Variants in PABPN1L observed in about 807,000 individuals in gnomAD.
PABPN1L encodes the protein PABPN1 like, cytoplasmic, also known as embryonic polyadenylate-binding protein 2.
In PABPN1L, 45 loss-of-function variants were observed where a neutral mutation model predicts 34.0. That is an observed-to-expected ratio of 1.32 (90% CI 1.04 to 1.70). PABPN1L has a LOEUF of 1.70. PABPN1L is among the 40% of genes most tolerant of loss of function. PABPN1L has a pLI of 0.00. For synonymous variants in PABPN1L, 182 were observed against 152.1 expected, an observed-to-expected ratio of 1.20 and a Z score of -1.45; for missense variants, 459 against 367.8, an observed-to-expected ratio of 1.25 and a Z score of -2.03.
chr16:88,867,231 T>C (rs537088298), upstream of PABPN1L, among the ~76,000 whole-genome samples: 15 of 151,888 alleles, frequency 9.9e-5, no homozygotes, highest in East Asian at 1.4e-3. Flanking sequence ...TTTTTTTTTT[T>C]TTTCTTTTTT....
upstream of PABPN1L, among the ~76,000 whole-genome samples, chr16:88,868,568 T>C (rs1968643803): frequency 6.6e-6 from 1 of 151,832 alleles, no homozygotes; most frequent in African/African-American, 2.4e-5. Context: ...ATCGCGCCAC[T>C]GCACTCCGGC....
Position 88,864,386 on chromosome 16 carries a change from C to T in PABPN1L, c.655-7G>A, listed in dbSNP as rs1280690207. 1 of 1,553,478 alleles carries T rather than the reference C, an allele frequency of 6.4e-7. No individual in the cohort carries two copies. The highest frequency in any genetic ancestry group is 8.7e-7 in the Non-Finnish European group (1 of 1,148,302). ...TGGTTCTTTTCGGCAGCACCTGGAGCAAAGGCCTGTTTTGAGTCCTCCTCA... is the reference window on the plus strand; with the variant it reads ...TGGTTCTTTTCGGCAGCACCTGGAGTAAAGGCCTGTTTTGAGTCCTCCTCA... On this transcript the variant is annotated splice_polypyrimidine_tract_variant and splice_region_variant and intron_variant, in intron 5 of 6. Coordinates refer to ENST00000419291, the Ensembl canonical transcript of PABPN1L.
exon 7 of PABPN1L, chr16:88,863,567 T>C (rs1207124561): frequency 1.5e-5 from 11 of 750,556 alleles, no homozygotes; most frequent in Non-Finnish European, 2.5e-5. Context: ...GCTGTGGCCT[T>C]GGGTCTGGAC....
intron 2 of PABPN1L, 88 bp from the exon 3 acceptor site, chr16:88,865,718 T>A: frequency 6.4e-7 from 1 of 1,551,210 alleles, no homozygotes; most frequent in Non-Finnish European, 8.7e-7. Context: ...ATAGGGGAGG[T>A]GACACCTTGG....
exon 1 of PABPN1L, chr16:88,866,470 T>G: frequency 1.3e-6 from 2 of 1,551,370 alleles, no homozygotes; most frequent in Non-Finnish European, 1.7e-6. Flanking sequence ...CTCCTTCCCT[T>G]CCCCACCCTC....
exon 6 of PABPN1L, chr16:88,864,327 C>T: frequency 6.4e-7 from 1 of 1,555,210 alleles, no homozygotes. Flanking sequence ...TCCTCGAAGG[C>T]CCCCGCGGTC....
chr16:88,865,678 C>A (rs759894343), intron 2 of PABPN1L, 48 bp from the exon 3 acceptor site: 1 of 1,568,438 alleles, frequency 6.4e-7, no homozygotes. Context: ...TCCTTCCTCA[C>A]TCCTCTCACG....
chr16:88,865,655 G>A (rs768158189), intron 2 of PABPN1L, 25 bp from the exon 3 acceptor site: 11 of 1,587,594 alleles, frequency 6.9e-6, no homozygotes, highest in South Asian at 4.5e-5. Flanking sequence ...GCTCAGGCCC[G>A]CAGGCCCTTG....
intron 1 of PABPN1L, 99 bp from the exon 2 acceptor site, chr16:88,866,040 C>A: frequency 6.9e-7 from 1 of 1,447,232 alleles, no homozygotes; most frequent in African/African-American, 1.4e-5. Flanking sequence ...GTCACAGCCC[C>A]AAGGGGCAGC....
rs1968574332 is a variant in PABPN1L at position 88,865,659 on chromosome 16, G to A, written c.392-29C>T. On this transcript the variant is annotated intron_variant, in intron 2 of 6. Coordinates refer to ENST00000419291, the Ensembl canonical transcript of PABPN1L. ...CGGAGAACACAGCTCAGGCCCGCAG[G>A]CCCTTGGTTCCTTCCTCACTCCTCT... 12 of 1,587,290 alleles carry A rather than the reference G, an allele frequency of 7.6e-6. No individual in the cohort carries two copies. In the East Asian group the frequency reaches 2.5e-4, roughly 33 times the overall value.
upstream of PABPN1L, among the ~76,000 whole-genome samples, chr16:88,866,947 G>A (rs1407539839): frequency 1.3e-5 from 2 of 152,230 alleles, no homozygotes; most frequent in African/African-American, 2.4e-5. Flanking sequence ...GCATCCACAC[G>A]GCACGAACGC....
chr16:88,867,490 C>G (rs1968626846), upstream of PABPN1L, among the ~76,000 whole-genome samples: 1 of 152,174 alleles, frequency 6.6e-6, no homozygotes, highest in Non-Finnish European at 1.5e-5. Context: ...CTCGGCCTCC[C>G]GAAGTGCTGG....
exon 7 of PABPN1L, chr16:88,863,653 G>A (rs1373100158): frequency 5.7e-6 from 8 of 1,405,846 alleles, no homozygotes; most frequent in South Asian, 1.2e-5. Context: ...CCTCTCCTCT[G>A]GCCTCGCCCC....
intron 5 of PABPN1L, 92 bp downstream of exon 5, chr16:88,864,759 CAG>C (rs1968546528): frequency 3.7e-6 from 5 of 1,339,332 alleles, no homozygotes; most frequent in South Asian, 1.3e-5. Context: ...ACACGCTGTG[CAG>C]AGAGGAGCCA....
upstream of PABPN1L, among the ~76,000 whole-genome samples, chr16:88,868,731 C>T (rs1374323564): frequency 6.6e-6 from 1 of 152,142 alleles, no homozygotes; most frequent in African/African-American, 2.4e-5. Flanking sequence ...TGGTAGCGTT[C>T]CTTTGAATCT....
chr16:88,866,239 G>A (rs1968589668), intron 1 of PABPN1L, 113 bp downstream of exon 1: 3 of 1,435,820 alleles, frequency 2.1e-6, no homozygotes, highest in Non-Finnish European at 2.8e-6. Context: ...GTGGGCAATG[G>A]CCCTCTCCCC....
At chr16:88,865,193 A>G (rs959404646) in intron 3 of PABPN1L, 65 bp from the exon 4 acceptor site, 2 of 1,501,702 alleles carry the variant, frequency 1.3e-6, no homozygotes, top group Non-Finnish European at 1.8e-6. Flanking sequence ...CCTTCTTGTT[A>G]GAGGTGAGGA....
At position 88,864,738 on chromosome 16, in the gene PABPN1L, C is replaced by T. The variant is rs1968545997; in HGVS notation, c.654+115G>A. The T allele has an allele frequency of 1.2e-5, 14 of 1,196,558 alleles. No homozygotes were observed. The East Asian group carries it at 3.3e-4, about 28-fold the overall frequency. 74.1% of individuals were successfully genotyped at this position (1,196,558 alleles called of 1,614,324 possible). On this transcript the variant is annotated intron_variant, in intron 5 of 6. Coordinates refer to ENST00000419291, the Ensembl canonical transcript of PABPN1L. ...CATCCTGTCCAGGCCCAGCCAAGCA[C>T]CGTGCCTGAGACACGCTGTGCAGAG... is the stretch of plus-strand genomic sequence containing the variant.
In PABPN1L at chr16:88,864,229, C is replaced by T; in HGVS notation, c.797+8G>A. 1 of 1,524,584 alleles carries T rather than the reference C, an allele frequency of 6.6e-7. No individual in the cohort carries two copies. Among genetic ancestry groups the T allele is most frequent in the Non-Finnish European group, 8.8e-7 (1 of 1,138,050 alleles). The allele number at this position is 1,524,584 out of a possible 1,614,324, so 94.4% of individuals were successfully genotyped here. On this transcript the variant is annotated splice_region_variant and intron_variant, in intron 6 of 6. Transcript: ENST00000419291. The stretch of plus-strand genomic sequence containing the variant: ...GCCCCCAGGCTGCCCCCACAGGCAC[C>T]CACTCACCGGTTCTGCCCTTGTGGT...
Sources: allele counts gnomAD v4.1 joint callset (sites outside exome capture counted in the v4.1 genomes callset), GRCh38; gene constraint gnomAD v4.1.1; transcripts MANE v1.5; gene names NCBI Gene and HGNC (gene_info 2026-07-23, HGNC 2026-07-21).